HTR1F: variants seen among roughly 807,000 people sequenced by gnomAD.
HTR1F encodes the protein 5-hydroxytryptamine receptor 1F, also known as 5-hydroxytryptamine (serotonin) receptor 1F, G protein-coupled.
In HTR1F, 17 loss-of-function variants were observed where a neutral mutation model predicts 24.0. The ratio of observed to expected loss-of-function variants is 0.71; its 90% CI spans 0.48 to 1.06. The LOEUF is 1.06. Among genes scored for constraint, HTR1F ranks in the 50% least tolerant of loss-of-function variants. The pLI is 0.00. For missense variants in HTR1F, 391 were observed against 427.8 expected (o/e 0.91, Z 0.76); for synonymous variants, 186 against 156.8 (o/e 1.19, Z -1.39).
chr3:87,804,957 A>G lies in HTR1F; in HGVS notation c.-160+12115A>G, dbSNP rs73141402. ...TGATCAAGCTGAAATTCATATTTAT[A>G]TATCAAGTGTGATGAGTTGTTATCA... On this transcript the variant is annotated intron_variant, in intron 1 of 2. Transcript: ENST00000319595. Among the ~76,000 whole-genome samples, 1,253 of 152,240 alleles carry G rather than the reference A, an allele frequency of 8.2e-3. 8 individuals are homozygous for G. The highest frequency in any genetic ancestry group is 0.027 in the Middle Eastern group (8 of 294).
chr3:87,941,723 A>G (rs1704573503), intron 2 of HTR1F, among the ~76,000 whole-genome samples: 1 of 152,164 alleles, frequency 6.6e-6, no homozygotes, highest in African/African-American at 2.4e-5. Flanking sequence ...AGGGATGCAG[A>G]AAAAGGCATC....
chr3:87,872,623 G>T (rs1159055591), intron 2 of HTR1F, among the ~76,000 whole-genome samples: 3 of 151,784 alleles, frequency 2.0e-5, no homozygotes, highest in African/African-American at 7.3e-5. Flanking sequence ...TACAGCTAAT[G>T]CCACAGAAAT....
chr3:87,984,824 A>T (rs1705628010), intron 2 of HTR1F, among the ~76,000 whole-genome samples: 2 of 152,202 alleles, frequency 1.3e-5, no homozygotes, highest in Admixed American at 6.5e-5. Context: ...AAAAGTTCTT[A>T]AAGGAATAAA....
intron 2 of HTR1F, among the ~76,000 whole-genome samples, chr3:87,942,096 G>T (rs1397246860): frequency 1.3e-5 from 2 of 152,042 alleles, no homozygotes; most frequent in African/African-American, 4.8e-5. Context: ...CAGACTTCAG[G>T]ATTAATTCCT....
intron 2 of HTR1F, among the ~76,000 whole-genome samples, chr3:87,986,158 G>A (rs1705657653): frequency 6.6e-6 from 1 of 152,278 alleles, no homozygotes; most frequent in Admixed American, 6.5e-5. Flanking sequence ...CTAGCACCAT[G>A]AAGATGCACA....
At chr3:87,837,024 T>C (rs1340911626) in intron 2 of HTR1F, among the ~76,000 whole-genome samples, 1 of 152,132 alleles carries the variant, frequency 6.6e-6, no homozygotes, top group Admixed American at 6.6e-5. Flanking sequence ...TGAAATTTTT[T>C]CACAGACTTA....
chr3:87,848,512 G>A (rs191533958), intron 2 of HTR1F, among the ~76,000 whole-genome samples: 2 of 151,760 alleles, frequency 1.3e-5, no homozygotes, highest in Admixed American at 6.6e-5. Context: ...TTAGGTTATT[G>A]AGCTTTATAT....
intron 2 of HTR1F, among the ~76,000 whole-genome samples, chr3:87,842,504 G>A (rs1704831488): frequency 6.6e-6 from 1 of 151,668 alleles, no homozygotes; most frequent in Non-Finnish European, 1.5e-5. Context: ...ATTGAGATGA[G>A]TTATGAAACA....
chr3:87,857,725 C>G (rs1355571379), intron 2 of HTR1F, among the ~76,000 whole-genome samples: 1 of 152,096 alleles, frequency 6.6e-6, no homozygotes, highest in Non-Finnish European at 1.5e-5. Flanking sequence ...AACTGATGAA[C>G]TTGCATTGAC....
intron 2 of HTR1F, among the ~76,000 whole-genome samples, chr3:87,825,173 A>G (rs1391388890): frequency 6.6e-6 from 1 of 152,212 alleles, no homozygotes; most frequent in Non-Finnish European, 1.5e-5. Flanking sequence ...TGGACTCTCA[A>G]GTATGATTTG....
At chr3:87,794,552 A>T (rs193254442) in intron 1 of HTR1F, among the ~76,000 whole-genome samples, 1 of 152,338 alleles carries the variant, frequency 6.6e-6, no homozygotes, top group East Asian at 1.9e-4. Context: ...TAATCCAAGG[A>T]AGTTCAGTAT....
At chr3:87,983,769 T>C (rs1002065237) in intron 2 of HTR1F, among the ~76,000 whole-genome samples, 33 of 152,200 alleles carry the variant, frequency 2.2e-4, no homozygotes, top group South Asian at 2.1e-4. Context: ...CAAGCACTAA[T>C]GGAAGAGTAA....
At chr3:87,936,914 A>G (rs1050508539) in intron 2 of HTR1F, among the ~76,000 whole-genome samples, 6 of 151,844 alleles carry the variant, frequency 4.0e-5, no homozygotes, top group African/African-American at 1.5e-4. Context: ...CACCATCTCA[A>G]GACTGAACCA....
chr3:87,958,816 G>T (rs2107474802), intron 2 of HTR1F, among the ~76,000 whole-genome samples: 1 of 151,660 alleles, frequency 6.6e-6, no homozygotes, highest in South Asian at 2.1e-4. Flanking sequence ...AATTAGAGGT[G>T]TTCCCACAGG....
chr3:87,960,977 G>A (rs768316081), intron 2 of HTR1F, among the ~76,000 whole-genome samples: 50 of 151,284 alleles, frequency 3.3e-4, no homozygotes, highest in Admixed American at 1.1e-3. Flanking sequence ...TCTGAATGTC[G>A]CAAAAAGTGT....
At chr3:87,987,152 CAAAT>C (rs1283014734) in intron 2 of HTR1F, among the ~76,000 whole-genome samples, 22 of 151,768 alleles carry the variant, frequency 1.4e-4, no homozygotes, top group African/African-American at 4.1e-4. Flanking sequence ...AATAGATAAA[CAAAT>C]AAACACCATT....
At chr3:87,855,505 G>A (rs1575950831) in intron 2 of HTR1F, among the ~76,000 whole-genome samples, 1 of 152,004 alleles carries the variant, frequency 6.6e-6, no homozygotes, top group Non-Finnish European at 1.5e-5. Flanking sequence ...CTCAATGGTA[G>A]ACTCAGCAAA....
intron 2 of HTR1F, among the ~76,000 whole-genome samples, chr3:87,970,026 C>T (rs1013378803): frequency 4.6e-5 from 7 of 152,198 alleles, no homozygotes; most frequent in Admixed American, 3.3e-4. Context: ...GAGGCCTCCC[C>T]GGCCACGTGG....
chr3:87,940,546 A>G (rs1195317072), intron 2 of HTR1F, among the ~76,000 whole-genome samples: 1 of 152,204 alleles, frequency 6.6e-6, no homozygotes, highest in Non-Finnish European at 1.5e-5. Context: ...GGATGGGAAG[A>G]ATCAATATCA....
Sources: gnomAD v4.1 joint callset for allele counts (sites outside exome capture counted in the v4.1 genomes callset) on GRCh38, gnomAD v4.1.1 for gene constraint, MANE v1.5 for transcripts, NCBI Gene and HGNC (gene_info 2026-07-23, HGNC 2026-07-21) for gene names.